The following CFAP95 variants were observed in gnomAD, a reference collection of about 807,000 sequenced individuals.
CFAP95 encodes the protein cilia- and flagella-associated protein 95.
At chr9:69,899,799 A>T in the CFAP95 span, among the ~76,000 whole-genome samples, 1 of 152,212 alleles carries the variant, frequency 6.6e-6, no homozygotes, top group African/African-American at 2.4e-5. Flanking sequence ...GTCTGCAATT[A>T]GCTTTCCCAG....
chr9:69,878,562 A>C, the CFAP95 span, among the ~76,000 whole-genome samples: 1 of 152,160 alleles, frequency 6.6e-6, no homozygotes, highest in African/African-American at 2.4e-5. Context: ...CCTCTGGGCA[A>C]TTGTGAAGTT....
chr9:69,859,132 G>T, the CFAP95 span, among the ~76,000 whole-genome samples: 1 of 152,060 alleles, frequency 6.6e-6, no homozygotes, highest in African/African-American at 2.4e-5. Flanking sequence ...AAATTTTCTT[G>T]ATTTATTTTA....
chr9:69,890,570 A>C, the CFAP95 span, among the ~76,000 whole-genome samples: 1 of 152,236 alleles, frequency 6.6e-6, no homozygotes, highest in Non-Finnish European at 1.5e-5. Flanking sequence ...GTGCACATAA[A>C]CAAGCATATA....
the CFAP95 span, among the ~76,000 whole-genome samples, chr9:69,860,262 G>A: frequency 5.9e-5 from 9 of 152,110 alleles, no homozygotes; most frequent in Non-Finnish European, 1.2e-4. Context: ...GGCTTCTGGT[G>A]AGGCCTCAGG....
chr9:69,872,845 C>G, the CFAP95 span, among the ~76,000 whole-genome samples: 1 of 152,102 alleles, frequency 6.6e-6, no homozygotes, highest in South Asian at 2.1e-4. Context: ...AGCGACCCCC[C>G]AAATGCAGAA....
chr9:69,895,567 G>C, the CFAP95 span, among the ~76,000 whole-genome samples: 2 of 151,980 alleles, frequency 1.3e-5, no homozygotes, highest in Non-Finnish European at 2.9e-5. Context: ...TCGGATTAAA[G>C]ACCTTGGTAG....
chr9:69,885,803 A>T, the CFAP95 span, among the ~76,000 whole-genome samples: 2 of 152,160 alleles, frequency 1.3e-5, no homozygotes, highest in African/African-American at 4.8e-5. Flanking sequence ...GGTAAAGAGA[A>T]TCCTTGGAAT....
At chr9:69,898,462 G>C in the CFAP95 span, among the ~76,000 whole-genome samples, 1 of 152,092 alleles carries the variant, frequency 6.6e-6, no homozygotes, top group Non-Finnish European at 1.5e-5. Flanking sequence ...GTATAATTTC[G>C]AACTTACAGG....
the CFAP95 span, among the ~76,000 whole-genome samples, chr9:69,884,086 G>T: frequency 1.3e-5 from 2 of 151,990 alleles, no homozygotes; most frequent in Middle Eastern, 3.4e-3. Context: ...TTGGTATGTT[G>T]TGTTTTCATT....
At chr9:69,828,276 A>G in the CFAP95 span, among the ~76,000 whole-genome samples, 1 of 152,222 alleles carries the variant, frequency 6.6e-6, no homozygotes, top group Non-Finnish European at 1.5e-5. Flanking sequence ...TTATCAGAGC[A>G]AAAGTTATTT....
the CFAP95 span, among the ~76,000 whole-genome samples, chr9:69,865,349 T>C: frequency 6.6e-6 from 1 of 152,090 alleles, no homozygotes; most frequent in Admixed American, 6.6e-5. Flanking sequence ...AAAACAAAAA[T>C]ATGCAAAGAG....
the CFAP95 span, among the ~76,000 whole-genome samples, chr9:69,843,539 CCTCCTCCTCCTCCTCCTCCTT>C: frequency 3.6e-5 from 1 of 28,016 alleles, no homozygotes; most frequent in Non-Finnish European, 6.8e-5. Flanking sequence ...TCCTCCTCCT[CCTCCTCCTCCTCCTCCTCCTT>C]CTTCTTCTTC....
the CFAP95 span, among the ~76,000 whole-genome samples, chr9:69,821,816 T>A: frequency 5.9e-5 from 9 of 152,252 alleles, no homozygotes; most frequent in East Asian, 1.7e-3. Context: ...GGGTTGTATC[T>A]TTGAAAATTT....
chr9:69,827,069 T>A, the CFAP95 span, among the ~76,000 whole-genome samples: 1 of 152,202 alleles, frequency 6.6e-6, no homozygotes, highest in Non-Finnish European at 1.5e-5. Context: ...GTTACAATAG[T>A]AAAGAATTTT....
chr9:69,840,115 G>A, the CFAP95 span, among the ~76,000 whole-genome samples: 1 of 151,620 alleles, frequency 6.6e-6, no homozygotes, highest in Non-Finnish European at 1.5e-5. Context: ...TCTTACTGGG[G>A]ACTGTAGTTG....
the CFAP95 span, among the ~76,000 whole-genome samples, chr9:69,880,404 G>A: frequency 2.0e-5 from 3 of 152,040 alleles, no homozygotes; most frequent in Non-Finnish European, 2.9e-5. Context: ...GTGAGAACAT[G>A]TGATATTTGT....
At chr9:69,843,204 A>C in the CFAP95 span, among the ~76,000 whole-genome samples, 1 of 152,034 alleles carries the variant, frequency 6.6e-6, no homozygotes, top group Non-Finnish European at 1.5e-5. Flanking sequence ...ATGTAGTAGG[A>C]ATTTTAAAAC....
At chr9:69,900,231 T>C in the CFAP95 span, among the ~76,000 whole-genome samples, 2 of 152,026 alleles carry the variant, frequency 1.3e-5, no homozygotes, top group Non-Finnish European at 2.9e-5. Context: ...ACCATACTCT[T>C]TTCTCCCCTG....
chr9:69,837,752 A>C, the CFAP95 span, among the ~76,000 whole-genome samples: 12 of 152,206 alleles, frequency 7.9e-5, no homozygotes, highest in South Asian at 8.3e-4. Flanking sequence ...CCCATTTGTC[A>C]ATTTTGGCTT....
Sources: allele counts gnomAD v4.1 joint callset (sites outside exome capture counted in the v4.1 genomes callset), GRCh38; gene constraint gnomAD v4.1.1; transcripts MANE v1.5; gene names NCBI Gene and HGNC (gene_info 2026-07-23, HGNC 2026-07-21).